The following CCBE1 variants were observed in gnomAD, a reference collection of about 807,000 sequenced individuals.
CCBE1 encodes collagen and calcium-binding EGF domain-containing protein 1.
A neutral mutation model predicts 50.0 loss-of-function variants in CCBE1; 37 were observed. The ratio of observed to expected loss-of-function variants is 0.74; its 90% CI spans 0.57 to 0.97. The LOEUF is 0.97. Among genes scored for constraint, CCBE1 ranks in the 50% least tolerant of loss-of-function variants. The pLI is 0.00. For missense variants in CCBE1, 538 were observed against 523.8 expected (o/e 1.03, Z -0.26); for synonymous variants, 234 against 203.7 (o/e 1.15, Z -1.27).
chr18:59,645,756 G>A (rs989919402), intron 2 of CCBE1, among the ~76,000 whole-genome samples: 1 of 152,176 alleles, frequency 6.6e-6, no homozygotes, highest in Non-Finnish European at 1.5e-5. Context: ...GACAGGCTGG[G>A]CGCGGTGGCT....
chr18:59,515,525 C>T (rs1346231764), intron 2 of CCBE1, among the ~76,000 whole-genome samples: 9 of 152,140 alleles, frequency 5.9e-5, no homozygotes, highest in African/African-American at 9.7e-5. Flanking sequence ...CTGAAACGCA[C>T]GATATTTTGA....
rs143829568 is a variant in CCBE1 at position 59,661,484 on chromosome 18, G to A, written c.212+35145C>T. On this transcript the variant is annotated intron_variant, in intron 2 of 10. Coordinates refer to ENST00000439986, the MANE Select transcript of CCBE1 (RefSeq NM_133459.4). The stretch of plus-strand genomic sequence containing the variant: ...ACTTCCATAGTTAATGAAATGGGGT[G>A]AGAACAAGTCAATCCTCATTACTCA... Among the ~76,000 whole-genome samples the A allele has an allele frequency of 2.8e-3, 431 of 152,272 alleles. 2 individuals are homozygous for A. The highest frequency in any genetic ancestry group is 0.02 in the South Asian group (96 of 4,826).
At chr18:59,566,294 AG>A (rs1407368403) in intron 2 of CCBE1, among the ~76,000 whole-genome samples, 2 of 152,240 alleles carry the variant, frequency 1.3e-5, no homozygotes, top group African/African-American at 4.8e-5. Flanking sequence ...TCCCTGGGTC[AG>A]TCACTTGTCT....
intron 2 of CCBE1, among the ~76,000 whole-genome samples, chr18:59,557,671 C>A (rs990472590): frequency 6.6e-6 from 1 of 152,148 alleles, no homozygotes; most frequent in African/African-American, 2.4e-5. Context: ...TGGGGTATAA[C>A]CAAGTAACCA....
chr18:59,506,053 G>A (rs1376598351), intron 2 of CCBE1, among the ~76,000 whole-genome samples: 1 of 152,208 alleles, frequency 6.6e-6, no homozygotes, highest in Non-Finnish European at 1.5e-5. Flanking sequence ...ACCTCAGAAT[G>A]TGGTCTTATT....
At chr18:59,542,798 T>C (rs2144387405) in intron 2 of CCBE1, among the ~76,000 whole-genome samples, 1 of 152,234 alleles carries the variant, frequency 6.6e-6, no homozygotes, top group South Asian at 2.1e-4. Flanking sequence ...ACTCTCCCCT[T>C]CTGGTGCCAC....
At position 59,436,050 on chromosome 18, in the gene CCBE1, C is replaced by G. The variant is rs200219373; in HGVS notation, c.1079G>C (p.Arg360Pro). The G allele has an allele frequency of 2.5e-6, 4 of 1,613,970 alleles. No homozygotes were observed. In the African/African-American group the frequency reaches 4.0e-5, roughly 16 times the overall value. ...GAACTCCTCTGCTGAAGAGTGAGTC[C>G]GGTGCCCGAACACCTTTTCCTGCAG... The part of the protein sequence containing the change: ...TELQEKVFGH[R>P]THSSAEEFPL... Residue 360 changes from arginine to proline, a missense_variant, in exon 11 of 11, where the codon CGG becomes CCG. Coordinates refer to ENST00000439986, the MANE Select transcript of CCBE1 (RefSeq NM_133459.4).
intron 7 of CCBE1, among the ~76,000 whole-genome samples, chr18:59,446,934 G>T (rs1910698144): frequency 6.6e-6 from 1 of 152,204 alleles, no homozygotes; most frequent in Non-Finnish European, 1.5e-5. Context: ...GCACTCAAAG[G>T]TTTAGAATCA....
chr18:59,493,582 A>G (rs1454510364), intron 2 of CCBE1, among the ~76,000 whole-genome samples: 1 of 152,074 alleles, frequency 6.6e-6, no homozygotes. Flanking sequence ...TGGAGCATAG[A>G]GCACTTCACT....
intron 2 of CCBE1, among the ~76,000 whole-genome samples, chr18:59,530,359 T>C (rs149005711): frequency 4.7e-4 from 72 of 152,318 alleles, no homozygotes; most frequent in African/African-American, 1.7e-3. Context: ...AGTTGTGAAG[T>C]AGGTGATGCC....
chr18:59,591,219 C>T (rs1379432252), intron 2 of CCBE1, among the ~76,000 whole-genome samples: 4 of 26,418 alleles, frequency 1.5e-4, no homozygotes, highest in Non-Finnish European at 2.2e-4. Flanking sequence ...GCACTCCCGC[C>T]TGGGCCACAG....
intron 2 of CCBE1, among the ~76,000 whole-genome samples, chr18:59,516,610 C>T (rs903401853): frequency 5.9e-5 from 9 of 152,202 alleles, no homozygotes; most frequent in African/African-American, 1.9e-4. Flanking sequence ...CCTGTTATGA[C>T]TCATCTTCAG....
chr18:59,591,017 G>A (rs2053258470), intron 2 of CCBE1, among the ~76,000 whole-genome samples: 1 of 32,576 alleles, frequency 3.1e-5, no homozygotes. Context: ...GGCCGAGGCG[G>A]GTGGATCACG....
At chr18:59,438,393 T>C (rs570050454) in intron 9 of CCBE1, among the ~76,000 whole-genome samples, 1 of 152,222 alleles carries the variant, frequency 6.6e-6, no homozygotes, top group African/African-American at 2.4e-5. Flanking sequence ...AAGAGGAATG[T>C]TCATATTTCC....
chr18:59,516,841 C>T (rs1914395912), intron 2 of CCBE1, among the ~76,000 whole-genome samples: 2 of 152,236 alleles, frequency 1.3e-5, no homozygotes, highest in South Asian at 2.1e-4. Flanking sequence ...AAGCTGTCCA[C>T]ACCACTCTCT....
intron 2 of CCBE1, among the ~76,000 whole-genome samples, chr18:59,691,914 G>T (rs553147246): frequency 4.1e-4 from 62 of 152,268 alleles, no homozygotes; most frequent in South Asian, 2.5e-3. Context: ...CATAATCCTG[G>T]GGAAGGGATG....
At chr18:59,544,665 TGAGGGAAA>T (rs1179776577) in intron 2 of CCBE1, among the ~76,000 whole-genome samples, 3 of 152,230 alleles carry the variant, frequency 2.0e-5, no homozygotes, top group Admixed American at 6.5e-5. Flanking sequence ...AGTAAGGAGA[TGAGGGAAA>T]GAGGGAAAGA....
intron 2 of CCBE1, among the ~76,000 whole-genome samples, chr18:59,607,142 C>T (rs2053509475): frequency 6.6e-6 from 1 of 150,728 alleles, no homozygotes; most frequent in Non-Finnish European, 1.5e-5. Context: ...CTCTTGAAAA[C>T]AAAGGTTGAG....
chr18:59,567,631 A>T (rs1399540336), intron 2 of CCBE1, among the ~76,000 whole-genome samples: 1 of 152,140 alleles, frequency 6.6e-6, no homozygotes, highest in African/African-American at 2.4e-5. Flanking sequence ...TCAGTGACCC[A>T]TGCTCTGCTG....
Sources: allele counts gnomAD v4.1 joint callset (sites outside exome capture counted in the v4.1 genomes callset), GRCh38; gene constraint gnomAD v4.1.1; transcripts MANE v1.5; gene names NCBI Gene and HGNC (gene_info 2026-07-23, HGNC 2026-07-21).